The following BICRAL variants were observed in gnomAD, a reference collection of about 807,000 sequenced individuals.
BICRAL encodes BRD4-interacting chromatin-remodeling complex-associated protein-like.
Under a neutral mutation model 91.8 loss-of-function variants are expected in BICRAL, and 8 were observed. The observed-to-expected ratio is 0.09, with a 90% CI of 0.05 to 0.16. The LOEUF (loss-of-function observed/expected upper bound fraction) is 0.16, where lower values mean the gene tolerates loss of function less well. Among genes scored for constraint, BICRAL ranks in the 10% least tolerant of loss-of-function variants. The probability of loss-of-function intolerance (pLI) is 1.00; values close to 1 mark genes in which losing one functional copy is unlikely to be tolerated. For synonymous variants in BICRAL, 445 were observed against 491.1 expected (o/e 0.91, Z 1.24); for missense variants, 1,038 against 1,310.9 (o/e 0.79, Z 3.21).
In BICRAL at chr6:42,864,993, G is replaced by T; in HGVS notation, c.2787G>T (p.Lys929Asn). Residue 929 changes from lysine (K) to asparagine (N), a missense_variant, in exon 13 of 13, where the codon AAG becomes AAT. By Grantham distance (94) the Lys-to-Asn change is moderately conservative (BLOSUM62 0). Around this residue, in one of 5 missense-constraint regions of BICRAL, gnomAD observed 294 missense variants for 292.6 expected, o/e 1.00. Transcript: ENST00000314073. ...EEKASRREPLKASQCSPGPEG... is the reference protein window; with the variant it reads ...EEKASRREPLNASQCSPGPEG... ...AGGCCAGCCGGAGAGAGCCTCTGAA[G>T]GCCAGTCAGTGCTCTCCCGGCCCTG... 6.2e-7 allele frequency: 1 copy of T among 1,614,098 alleles called. No individual in the cohort carries two copies. Among genetic ancestry groups the T allele is most frequent in the African/African-American group, 1.3e-5 (1 of 75,042 alleles).
At chr6:42,859,095 A>G (rs1562498685) in intron 10 of BICRAL, among the ~76,000 whole-genome samples, 1 of 149,614 alleles carries the variant, frequency 6.7e-6, no homozygotes. Context: ...AGCGTTAAAC[A>G]GGGGGTGTGA....
At chr6:42,787,327 G>C (rs1763129148) in intron 1 of BICRAL, among the ~76,000 whole-genome samples, 1 of 152,088 alleles carries the variant, frequency 6.6e-6, no homozygotes, top group Non-Finnish European at 1.5e-5. Context: ...GTAAATACTT[G>C]GGAGGCATCC....
rs764571242 is a variant in BICRAL at position 42,853,593 on chromosome 6, T to G, written c.1946-45T>G. The G allele has an allele frequency of 1.4e-5, 20 of 1,421,078 alleles. No homozygotes were observed. In the African/African-American group the frequency reaches 2.7e-4, roughly 19 times the overall value. 88.0% of individuals were successfully genotyped at this position (1,421,078 alleles called of 1,614,324 possible). ...TTCTAGGGTTATATGATGGACCCAA[T>G]TTACTGTTTCTTTTGAACACTGTCT... On this transcript the variant is annotated intron_variant, in intron 7 of 12. Transcript: ENST00000314073.
intron 1 of BICRAL, among the ~76,000 whole-genome samples, chr6:42,788,381 C>A (rs1181753568): frequency 2.0e-5 from 3 of 152,030 alleles, no homozygotes; most frequent in Non-Finnish European, 2.9e-5. Flanking sequence ...TGCACCACCA[C>A]ACCCAGCTAA....
intron 1 of BICRAL, among the ~76,000 whole-genome samples, chr6:42,756,229 C>T (rs1040553536): frequency 6.6e-6 from 1 of 152,046 alleles, no homozygotes; most frequent in African/African-American, 2.4e-5. Context: ...CGGAAATTGC[C>T]CTATTCCCAT....
chr6:42,866,989 C>T lies in BICRAL; in HGVS notation c.*1543C>T, dbSNP rs963406164. The T allele has an allele frequency of 4.9e-6, 2 of 410,426 alleles. No homozygotes were observed. The highest frequency in any genetic ancestry group is 1.8e-5 in the South Asian group (1 of 56,812). 25.4% of individuals were successfully genotyped at this position (410,426 alleles called of 1,614,324 possible). ...GGTCATTTTTGTTACAGTGTGTGCA[C>T]ACTCACTCTCCTTCTTAGTGTGCAT... On this transcript the variant is annotated 3_prime_UTR_variant, in exon 13 of 13. Transcript: ENST00000314073.
At chr6:42,783,067 C>CGCGGCGAGGAGAGCAGGTCCGGGGT (rs1762971909) in intron 1 of BICRAL, among the ~76,000 whole-genome samples, 1 of 151,598 alleles carries the variant, frequency 6.6e-6, no homozygotes, top group Admixed American at 6.6e-5. Context: ...TGCGGGCGGC[C>CGCGGCGAGGAGAGCAGGTCCGGGGT]GCGGCGAGGA....
intron 1 of BICRAL, among the ~76,000 whole-genome samples, chr6:42,802,436 TGTTGTTG>T (rs1763604551): frequency 8.9e-6 from 1 of 112,646 alleles, no homozygotes; most frequent in African/African-American, 2.9e-5. Context: ...TTTTTGTTGT[TGTTGTTG>T]TTGTTGTTGT....
chr6:42,828,646 A>G lies in BICRAL; in HGVS notation c.313A>G (p.Ile105Val), dbSNP rs1483139096. ...TCTCACTGAGGACCAACCTTTCGAC[A>G]TTCTTCAGAAATCCTTGCAAGAGGC... ...PDLTEDQPFDILQKSLQEANI... is the reference protein window; with the variant it reads ...PDLTEDQPFDVLQKSLQEANI... Residue 105 changes from isoleucine to valine, a missense_variant, in exon 6 of 13, where the codon ATT becomes GTT. Ile to Val is a conservative substitution (Grantham distance 29, BLOSUM62 3). Transcript: ENST00000314073. The G allele has an allele frequency of 6.2e-7, 1 of 1,614,136 alleles. No homozygotes were observed. The highest frequency in any genetic ancestry group is 1.7e-5 in the Admixed American group (1 of 60,000).
intron 5 of BICRAL, among the ~76,000 whole-genome samples, chr6:42,824,102 G>T (rs112354450): frequency 3.3e-5 from 5 of 151,800 alleles, no homozygotes; most frequent in African/African-American, 1.2e-4. Context: ...GTGGTGGCGC[G>T]TGCCTGTAAT....
At chr6:42,836,079 C>G (rs542462787) in intron 6 of BICRAL, among the ~76,000 whole-genome samples, 2 of 152,304 alleles carry the variant, frequency 1.3e-5, no homozygotes, top group East Asian at 3.9e-4. Flanking sequence ...TTGTATTCCC[C>G]CAGAGCTATC....
At chr6:42,781,398 G>GTA (rs1367817943), upstream of BICRAL, among the ~76,000 whole-genome samples, 1 of 152,136 alleles carries the variant, frequency 6.6e-6, no homozygotes, top group Admixed American at 6.6e-5. Flanking sequence ...GGAAAGCTTA[G>GTA]TACATTTGAA....
intron 1 of BICRAL, among the ~76,000 whole-genome samples, chr6:42,802,428 TTTGTTG>T (rs1554277645): frequency 3.4e-3 from 352 of 104,034 alleles, no homozygotes; most frequent in Middle Eastern, 0.015. Context: ...CGTGTTTTTT[TTTGTTG>T]TTGTTGTTGT....
intron 5 of BICRAL, among the ~76,000 whole-genome samples, chr6:42,826,495 A>G (rs767302166): frequency 5.3e-5 from 8 of 151,938 alleles, no homozygotes; most frequent in Non-Finnish European, 8.8e-5. Context: ...TCGGCCTCCC[A>G]AAGTGCTTGG....
chr6:42,785,662 A>G (rs540602578), intron 1 of BICRAL, among the ~76,000 whole-genome samples: 26 of 152,338 alleles, frequency 1.7e-4, no homozygotes, highest in Non-Finnish European at 2.9e-4. Context: ...CCTTAAAAGA[A>G]AAGGTTGTTT....
At chr6:42,832,117 G>A (rs1388863215) in intron 6 of BICRAL, among the ~76,000 whole-genome samples, 1 of 151,576 alleles carries the variant, frequency 6.6e-6, no homozygotes, top group Non-Finnish European at 1.5e-5. Context: ...GGAGGCCAAG[G>A]TGGGCAGATT....
At chr6:42,861,304 T>G (rs1398637373) in intron 11 of BICRAL, among the ~76,000 whole-genome samples, 2 of 152,182 alleles carry the variant, frequency 1.3e-5, no homozygotes, top group Admixed American at 6.5e-5. Flanking sequence ...AGAGTGAGAC[T>G]CCGTCTCAAA....
intron 7 of BICRAL, among the ~76,000 whole-genome samples, chr6:42,853,339 T>C (rs1765253983): frequency 6.6e-6 from 1 of 152,190 alleles, no homozygotes; most frequent in Non-Finnish European, 1.5e-5. Flanking sequence ...TCTGTAGTGC[T>C]GACAGATTAC....
intron 6 of BICRAL, among the ~76,000 whole-genome samples, chr6:42,836,841 C>G (rs1163765187): frequency 6.6e-6 from 1 of 151,992 alleles, no homozygotes; most frequent in African/African-American, 2.4e-5. Context: ...AGGCTGGTCT[C>G]AAACTCCTGA....
Sources: gnomAD v4.1 joint callset for allele counts (sites outside exome capture counted in the v4.1 genomes callset) on GRCh38, gnomAD v4.1.1 for gene constraint, gnomAD v4.1.1 regional missense constraint, MANE v1.5 for transcripts, NCBI Gene and HGNC (gene_info 2026-07-23, HGNC 2026-07-21) for gene names.